The following FBXO32 variants were observed in gnomAD, a reference collection of about 807,000 sequenced individuals.
The protein encoded by FBXO32 is F-box only protein 32.
A neutral mutation model predicts 48.3 loss-of-function variants in FBXO32; 15 were observed. The ratio of observed to expected loss-of-function variants is 0.31; its 90% CI spans 0.21 to 0.48. FBXO32 has a LOEUF of 0.48. Ranked by LOEUF, FBXO32 falls within the 20% of genes least tolerant of loss-of-function variation. The pLI, the probability that FBXO32 is intolerant of heterozygous loss-of-function variation, is 0.99. For synonymous variants in FBXO32, 154 were observed against 165.9 expected (o/e 0.93, Z 0.55); for missense variants, 309 against 432.7 (o/e 0.71, Z 2.54).
intron 4 of FBXO32, among the ~76,000 whole-genome samples, chr8:123,515,852 C>T (rs1816829096): frequency 6.6e-6 from 1 of 152,184 alleles, no homozygotes; most frequent in Non-Finnish European, 1.5e-5. Context: ...ATTAGCCGGG[C>T]ATGGTGGCAC....
At chr8:123,508,024 C>T (rs1166879970) in intron 6 of FBXO32, among the ~76,000 whole-genome samples, 2 of 152,086 alleles carry the variant, frequency 1.3e-5, no homozygotes, top group Non-Finnish European at 2.9e-5. Flanking sequence ...GTCAATAGAC[C>T]ACCTGGGACT....
intron 4 of FBXO32, among the ~76,000 whole-genome samples, chr8:123,524,537 T>C (rs1293952852): frequency 6.6e-6 from 1 of 152,128 alleles, no homozygotes; most frequent in Non-Finnish European, 1.5e-5. Context: ...TTTTCCTTTT[T>C]CTTTTTATCT....
intron 1 of FBXO32, among the ~76,000 whole-genome samples, chr8:123,538,369 G>A (rs1373036690): frequency 1.3e-5 from 2 of 152,198 alleles, no homozygotes; most frequent in Non-Finnish European, 2.9e-5. Flanking sequence ...TGGAATTAGA[G>A]AAGTCAGTCT....
chr8:123,513,057 C>G lies in FBXO32; in HGVS notation c.651+141G>C. The G allele has an allele frequency of 1.1e-6, 1 of 927,606 alleles. No homozygotes were observed. The highest frequency in any genetic ancestry group is 1.6e-6 in the Non-Finnish European group (1 of 632,280). 57.5% of individuals were successfully genotyped at this position (927,606 alleles called of 1,614,324 possible). On this transcript the variant is annotated intron_variant, in intron 6 of 8. Coordinates refer to ENST00000517956, the MANE Select transcript of FBXO32 (RefSeq NM_058229.4). This position sits in a 1 kb window ranked among gnomAD's most constrained non-coding sequence, Gnocchi z 4.3. The stretch of plus-strand genomic sequence containing the variant: ...CTTTATCAGGAGGTCCCCCAGCCCA[C>G]CCTCAGCACCAGAACAAAGCAGCAG...
At chr8:123,531,129 G>A (rs1280549294) in intron 4 of FBXO32, among the ~76,000 whole-genome samples, 3 of 151,600 alleles carry the variant, frequency 2.0e-5, no homozygotes, top group African/African-American at 7.3e-5. Flanking sequence ...ACAGGCACCC[G>A]CCACCACGCC....
intron 8 of FBXO32, 109 bp downstream of exon 8, chr8:123,504,495 C>G: frequency 1.7e-6 from 1 of 593,568 alleles, no homozygotes. Context: ...CAGCTGGGGG[C>G]TGTGATGGGG....
Position 123,541,080 on chromosome 8 carries a change from C to T in FBXO32, c.-66G>A. ...GCCTGGTGGGCTCGGGGACGTGCCACCCGGGGCGGATGCTCGGGGTGCAGG... is the reference window on the plus strand; with the variant it reads ...GCCTGGTGGGCTCGGGGACGTGCCATCCGGGGCGGATGCTCGGGGTGCAGG... On this transcript the variant is annotated 5_prime_UTR_variant, in exon 1 of 9. In the 5' UTR this introduces an upstream ATG that the reference lacks. Transcript: ENST00000517956. 8.9e-7 allele frequency: 1 copy of T among 1,127,304 alleles called. No individual in the cohort carries two copies. 69.8% of individuals were successfully genotyped at this position (1,127,304 alleles called of 1,614,324 possible).
chr8:123,511,193 T>C (rs749340825), intron 6 of FBXO32, among the ~76,000 whole-genome samples: 47 of 152,256 alleles, frequency 3.1e-4, no homozygotes, highest in Non-Finnish European at 4.4e-4. Flanking sequence ...ATTTTAGGAA[T>C]ACGGAATCCA....
intron 6 of FBXO32, among the ~76,000 whole-genome samples, chr8:123,507,434 C>T (rs1816649016): frequency 8.1e-6 from 1 of 123,602 alleles, no homozygotes; most frequent in African/African-American, 3.1e-5. Context: ...AGACTCTGTG[C>T]TAGGGTGTGT....
chr8:123,504,813 C>T (rs561237893), intron 7 of FBXO32, 66 bp from the exon 8 acceptor site: 209 of 1,533,934 alleles, frequency 1.4e-4, no homozygotes, highest in South Asian at 6.2e-4. Context: ...TGTGGTTTTC[C>T]GGTTCTGAAA....
At chr8:123,506,000 G>A (rs557413453) in intron 7 of FBXO32, among the ~76,000 whole-genome samples, 24 of 152,144 alleles carry the variant, frequency 1.6e-4, no homozygotes, top group Non-Finnish European at 2.8e-4. Context: ...GAGGCAGGAG[G>A]ACTGCTTGAG....
At chr8:123,508,050 GC>G (rs1816664337) in intron 6 of FBXO32, among the ~76,000 whole-genome samples, 1 of 152,134 alleles carries the variant, frequency 6.6e-6, no homozygotes, top group Non-Finnish European at 1.5e-5. Context: ...TCCTTGTCCT[GC>G]CCCTGCTGGT....
chr8:123,504,491 G>T, intron 8 of FBXO32, 113 bp downstream of exon 8: 1 of 795,190 alleles, frequency 1.3e-6, no homozygotes, highest in Non-Finnish European at 1.8e-6. Context: ...CTTTCAGCTG[G>T]GGGCTGTGAT....
At position 123,537,034 on chromosome 8, in the gene FBXO32, G is replaced by A. The variant is rs528113509; in HGVS notation, c.117-2220C>T. On this transcript the variant is annotated intron_variant, in intron 1 of 8. Coordinates refer to ENST00000517956, the MANE Select transcript of FBXO32 (RefSeq NM_058229.4). The stretch of plus-strand genomic sequence containing the variant: ...CACTTGGTATTAGGTTTTAGATTCC[G>A]GAGGAAGGGCCTGGAAAGAAGGGCT... Among the ~76,000 whole-genome samples, 180 of 152,312 alleles carry A rather than the reference G, an allele frequency of 1.2e-3. 1 individual carries two copies. The highest frequency in any genetic ancestry group is 3.4e-3 in the Middle Eastern group (1 of 294).
At chr8:123,508,587 G>T (rs546895336) in intron 6 of FBXO32, among the ~76,000 whole-genome samples, 4 of 152,088 alleles carry the variant, frequency 2.6e-5, no homozygotes, top group East Asian at 3.8e-4. Flanking sequence ...AATTTATACC[G>T]CTCGGTTCTA....
At position 123,509,331 on chromosome 8, in the gene FBXO32, T is replaced by G. The variant is rs141121910; in HGVS notation, c.652-2757A>C. Among the ~76,000 whole-genome samples the G allele has an allele frequency of 3.7e-3, 560 of 152,320 alleles. 3 individuals carry two copies. The highest frequency in any genetic ancestry group is 0.013 in the African/African-American group (537 of 41,570). On this transcript the variant is annotated intron_variant, in intron 6 of 8. Transcript: ENST00000517956. ...ACTGTTAAAAAAGTAAGTTTTAAAA[T>G]ACAGTCCAGACTGAAGTAATTAAGT...
chr8:123,534,800 T>A lies in FBXO32; in HGVS notation c.131A>T (p.Glu44Val), dbSNP rs762514798. 1.3e-5 allele frequency: 21 copies of A among 1,609,560 alleles called. No homozygotes were observed. The highest frequency in any genetic ancestry group is 1.6e-5 in the Non-Finnish European group (19 of 1,176,334). The change falls in exon 2 of 9, where the codon GAG (glutamate) becomes GTG (valine). Residue 44 changes from glutamate to valine, a missense_variant. Physicochemically the swap from Glu to Val is moderately radical, Grantham distance 121. Transcript: ENST00000517956. ...VSDLSSYCNK[E>V]VYNKENLFNS... Reference sequence around the variant, plus strand: ...GAAAAGATTCTCCTTATTGTATACCTCCTTGTTGCAGTAACTATGAATAAC... The same window carrying A: ...GAAAAGATTCTCCTTATTGTATACCACCTTGTTGCAGTAACTATGAATAAC...
At chr8:123,530,685 G>A (rs995025573) in intron 4 of FBXO32, among the ~76,000 whole-genome samples, 1 of 150,264 alleles carries the variant, frequency 6.7e-6, no homozygotes, top group Non-Finnish European at 1.5e-5. Flanking sequence ...GCGCCATCTC[G>A]CTCACTGCAA....
chr8:123,504,792 A>G (rs867657337), intron 7 of FBXO32, 45 bp from the exon 8 acceptor site: 2 of 1,590,786 alleles, frequency 1.3e-6, no homozygotes, highest in Middle Eastern at 1.7e-4. Flanking sequence ...GAGTTTGTCA[A>G]GAAGATGGCT....
Sources: gnomAD v4.1 joint callset for allele counts (sites outside exome capture counted in the v4.1 genomes callset) on GRCh38, gnomAD v4.1.1 for gene constraint, Gnocchi (gnomAD v3.1) non-coding constraint, MANE v1.5 for transcripts, NCBI Gene and HGNC (gene_info 2026-07-23, HGNC 2026-07-21) for gene names.